Variants in SLC44A5 observed in about 807,000 individuals in gnomAD.
The protein encoded by SLC44A5 is choline transporter-like protein 5.
SLC44A5 carries 57 observed loss-of-function variants against 101.8 expected under a neutral mutation model. That is an observed-to-expected ratio of 0.56 (90% confidence interval 0.45 to 0.70). SLC44A5 has a LOEUF of 0.70. SLC44A5 is among the 30% of genes least tolerant of loss of function. The probability of loss-of-function intolerance (pLI) is 0.00; values close to 1 mark genes in which losing one functional copy is unlikely to be tolerated. For synonymous variants in SLC44A5, 281 were observed against 290.9 expected, an observed-to-expected ratio of 0.97 and a Z score of 0.35; for missense variants, 737 against 853.1, an observed-to-expected ratio of 0.86 and a Z score of 1.70.
At chr1:75,409,295 TG>T (rs1663117027) in intron 2 of SLC44A5, among the ~76,000 whole-genome samples, 1 of 152,184 alleles carries the variant, frequency 6.6e-6, no homozygotes, top group African/African-American at 2.4e-5. Flanking sequence ...TAACTGGGTA[TG>T]TGTTTTCTGG....
At chr1:75,522,639 T>C (rs1317066526) in intron 2 of SLC44A5, among the ~76,000 whole-genome samples, 2 of 152,162 alleles carry the variant, frequency 1.3e-5, no homozygotes, top group South Asian at 2.1e-4. Context: ...GTCATATGCA[T>C]AATGGCTTAG....
At chr1:75,675,008 T>C in the SLC44A5 span, among the ~76,000 whole-genome samples, 2 of 152,214 alleles carry the variant, frequency 1.3e-5, no homozygotes, top group African/African-American at 2.4e-5. Flanking sequence ...CTTTGGTTAC[T>C]GTAGAGCCTT....
chr1:75,443,251 A>G (rs763608446), intron 2 of SLC44A5, among the ~76,000 whole-genome samples: 64 of 152,262 alleles, frequency 4.2e-4, no homozygotes, highest in Admixed American at 2.0e-3. Flanking sequence ...TCAGAAAACA[A>G]TAGAATAAAC....
At chr1:75,261,191 A>C (rs960059581) in intron 6 of SLC44A5, among the ~76,000 whole-genome samples, 1 of 152,180 alleles carries the variant, frequency 6.6e-6, no homozygotes, top group Non-Finnish European at 1.5e-5. Context: ...ACGGAAGGGC[A>C]CAGAGACACA....
In SLC44A5 at chr1:75,477,302, G is replaced by C. The variant is rs1022361039; in HGVS notation, c.13+64133C>G. ...AAGTAGATAAAACCACAAAGACGGG[G>C]GAAAAAACAGAGCAGAAAAACTGGA... On this transcript the variant is annotated intron_variant, in intron 2 of 23. Transcript: ENST00000370859. 2.0e-5 allele frequency among the ~76,000 whole-genome samples: 3 copies of C among 152,218 alleles called. No individual in the cohort carries two copies. In the South Asian group the frequency reaches 6.2e-4, roughly 32 times the overall value.
chr1:75,619,943 A>G, the SLC44A5 span, among the ~76,000 whole-genome samples: 10 of 152,230 alleles, frequency 6.6e-5, no homozygotes, highest in South Asian at 1.9e-3. Flanking sequence ...TCAACCCATC[A>G]TCTACATTAG....
At chr1:75,438,549 T>C (rs1665015745) in intron 2 of SLC44A5, among the ~76,000 whole-genome samples, 2 of 152,070 alleles carry the variant, frequency 1.3e-5, no homozygotes, top group South Asian at 4.1e-4. Flanking sequence ...AAGTGGGGTA[T>C]GTGCAAGGCA....
intron 3 of SLC44A5, chr1:75,357,301 T>C (rs1470157435): frequency 2.2e-6 from 1 of 446,684 alleles, no homozygotes; most frequent in Non-Finnish European, 4.5e-6. Context: ...CAGCCTGTGA[T>C]ACTATTCATT....
intron 1 of SLC44A5, among the ~76,000 whole-genome samples, chr1:75,552,070 G>C (rs1366507123): frequency 6.6e-6 from 1 of 152,084 alleles, no homozygotes; most frequent in Non-Finnish European, 1.5e-5. Context: ...CTTAAAGAAA[G>C]TATTAGTGCA....
At chr1:75,420,191 C>T (rs1031001168) in intron 2 of SLC44A5, among the ~76,000 whole-genome samples, 1 of 152,078 alleles carries the variant, frequency 6.6e-6, no homozygotes, top group Non-Finnish European at 1.5e-5. Flanking sequence ...GTGCCTTAAT[C>T]TTAGACTTCT....
At chr1:75,417,234 C>T (rs981011125) in intron 2 of SLC44A5, among the ~76,000 whole-genome samples, 5 of 152,100 alleles carry the variant, frequency 3.3e-5, no homozygotes, top group African/African-American at 4.8e-5. Flanking sequence ...ATGGGACTCA[C>T]GAGATCTGAT....
chr1:75,206,483 G>C (rs1646750823), intron 23 of SLC44A5: 1 of 658,336 alleles, frequency 1.5e-6, no homozygotes, highest in East Asian at 2.7e-5. Flanking sequence ...GGTAGTACCA[G>C]GTGCTGACTT....
At chr1:75,645,384 T>C in the SLC44A5 span, among the ~76,000 whole-genome samples, 1 of 152,190 alleles carries the variant, frequency 6.6e-6, no homozygotes, top group African/African-American at 2.4e-5. Context: ...CCAGTGATGA[T>C]GAGCATTTTT....
chr1:75,347,786 A>G (rs7516420), intron 3 of SLC44A5, among the ~76,000 whole-genome samples: 46,805 of 151,716 alleles, frequency 0.31, 8,760 homozygotes, highest in East Asian at 0.82. Flanking sequence ...CTCCTTGGCT[A>G]AAGTCAAAGA....
rs76643079 is a variant in SLC44A5 at position 75,409,465 on chromosome 1, T to C, written c.14-12844A>G. Among the ~76,000 whole-genome samples the C allele has an allele frequency of 4.9e-3, 742 of 152,190 alleles. 10 individuals are homozygous for C. The highest frequency in any genetic ancestry group is 0.017 in the African/African-American group (711 of 41,510). On this transcript the variant is annotated intron_variant, in intron 2 of 23. Transcript: ENST00000370859. ...TTGATTCAGAAGAGACAGGGTCTTG[T>C]TGTTTCTAGTGCTACCCTGTTAGAA...
intron 1 of SLC44A5, among the ~76,000 whole-genome samples, chr1:75,598,099 A>G (rs1306210019): frequency 1.3e-5 from 2 of 152,170 alleles, no homozygotes; most frequent in African/African-American, 4.8e-5. Context: ...TACAAGAAAA[A>G]AAAACCCATA....
At chr1:75,326,095 C>CAT (rs936250749) in intron 4 of SLC44A5, among the ~76,000 whole-genome samples, 1 of 140,310 alleles carries the variant, frequency 7.1e-6, no homozygotes, top group African/African-American at 2.6e-5. Flanking sequence ...TCTCTCTCTC[C>CAT]GTGTGTGTGT....
chr1:75,550,771 C>T (rs1671895575), intron 1 of SLC44A5, among the ~76,000 whole-genome samples: 1 of 152,038 alleles, frequency 6.6e-6, no homozygotes, highest in African/African-American at 2.4e-5. Context: ...AGGAAGACAT[C>T]CAGAATTACT....
chr1:75,278,001 A>T (rs1240683032), intron 5 of SLC44A5, among the ~76,000 whole-genome samples: 1 of 151,954 alleles, frequency 6.6e-6, no homozygotes, highest in African/African-American at 2.4e-5. Flanking sequence ...CTGACATTTT[A>T]CTCCCTTTCT....
Sources: allele counts gnomAD v4.1 joint callset (sites outside exome capture counted in the v4.1 genomes callset), GRCh38; gene constraint gnomAD v4.1.1; transcripts MANE v1.5; gene names NCBI Gene and HGNC (gene_info 2026-07-23, HGNC 2026-07-21).